SIMC1: variants seen among roughly 807,000 people sequenced by gnomAD.
SIMC1 encodes SUMO interacting motifs containing 1.
A neutral mutation model predicts 82.3 loss-of-function variants in SIMC1; 55 were observed. The observed-to-expected ratio is 0.67, with a 90% CI of 0.54 to 0.84. The LOEUF is 0.84. SIMC1 is among the 40% of genes least tolerant of loss of function. The pLI is 0.00. For missense variants in SIMC1, 915 were observed against 1,107.2 expected (o/e 0.83, Z 2.46); for synonymous variants, 353 against 426.3 (o/e 0.83, Z 2.12).
chr5:176,252,479 A>C (rs977576878), intron 1 of SIMC1, among the ~76,000 whole-genome samples: 2 of 149,858 alleles, frequency 1.3e-5, no homozygotes, highest in Non-Finnish European at 3.0e-5. Context: ...GGCTGGGCAG[A>C]GGCGCTCCTC....
chr5:176,293,055 AC>A (rs1763652069), intron 2 of SIMC1, among the ~76,000 whole-genome samples: 1 of 152,118 alleles, frequency 6.6e-6, no homozygotes, highest in Non-Finnish European at 1.5e-5. Context: ...ACAAATGCTT[AC>A]CCTCCAAATC....
rs1763749708 is a variant in SIMC1, at chr5:176,295,050, A to T, written c.1452A>T (p.Glu484Asp). 2 of 1,613,476 alleles carry T rather than the reference A, an allele frequency of 1.2e-6. No individual in the cohort carries two copies. Among genetic ancestry groups the T allele is most frequent in the Non-Finnish European group, 1.7e-6 (2 of 1,179,650 alleles). Residue 484 changes from glutamate (E) to aspartate (D), a missense_variant, in exon 3 of 10, where the codon GAA becomes GAT. Glu to Asp is a conservative substitution (Grantham distance 45). This residue lies in a region of SIMC1 where 902 missense variants were observed against 1,040.3 expected (regional missense o/e 0.87). Coordinates refer to ENST00000429602, the MANE Select transcript of SIMC1 (RefSeq NM_001308195.2). ...TACAGAACAAGGGTCAAAAATTAGA[A>T]CCCATCCCTCATCGAAGACTAAGAA... is the stretch of plus-strand genomic sequence containing the variant. ...DTRENKGQKL[E>D]PIPHRRLRMV...
chr5:176,316,739 A>T (rs1218728380), intron 5 of SIMC1, among the ~76,000 whole-genome samples: 1 of 151,730 alleles, frequency 6.6e-6, no homozygotes, highest in Non-Finnish European at 1.5e-5. Flanking sequence ...GAGGCCTGTA[A>T]TCCCAGCACT....
chr5:176,322,434 C>T lies in SIMC1; in HGVS notation c.2042+9C>T. 1 of 1,605,326 alleles carries T rather than the reference C, an allele frequency of 6.2e-7. No homozygotes were observed. Among genetic ancestry groups the T allele is most frequent in the Non-Finnish European group, 8.5e-7 (1 of 1,175,912 alleles). Reference sequence around the variant, plus strand: ...AAGAACACCAATCAGCTGTAAGGGGCAGGCAGTTCTCTTTCCTGGGGCTCT... The same window carrying T: ...AAGAACACCAATCAGCTGTAAGGGGTAGGCAGTTCTCTTTCCTGGGGCTCT... On this transcript the variant is annotated intron_variant, in intron 6 of 9. Transcript: ENST00000429602.
At chr5:176,242,931 G>A (rs1423177430) in intron 1 of SIMC1, among the ~76,000 whole-genome samples, 1 of 151,886 alleles carries the variant, frequency 6.6e-6, no homozygotes, top group African/African-American at 2.4e-5. Flanking sequence ...GAGTGTTAGG[G>A]GAAAAAATAC....
At chr5:176,299,794 A>C (rs1185729643) in intron 4 of SIMC1, among the ~76,000 whole-genome samples, 1 of 152,242 alleles carries the variant, frequency 6.6e-6, no homozygotes, top group Non-Finnish European at 1.5e-5. Flanking sequence ...AGACATACAC[A>C]GAACATTCCA....
At chr5:176,267,733 G>GTTTT (rs1159766316) in intron 1 of SIMC1, among the ~76,000 whole-genome samples, 17 of 27,236 alleles carry the variant, frequency 6.2e-4, no homozygotes, top group African/African-American at 3.1e-3. Context: ...TTTTCTTTCT[G>GTTTT]TTTTTTTTTT....
intron 4 of SIMC1, chr5:176,308,735 C>T (rs958096978): frequency 2.7e-5 from 38 of 1,433,032 alleles, no homozygotes; most frequent in Admixed American, 8.4e-5. Flanking sequence ...ATGTCACTAT[C>T]GGGAAAGCGT....
At chr5:176,333,007 AATGTGATATAAATGGC>A (rs1264753582) in intron 7 of SIMC1, among the ~76,000 whole-genome samples, 4 of 152,164 alleles carry the variant, frequency 2.6e-5, no homozygotes, top group African/African-American at 9.7e-5. Context: ...TCATTTCAAG[AATGTGATATAAATGGC>A]CTAGGCACAA....
intron 1 of SIMC1, among the ~76,000 whole-genome samples, chr5:176,276,459 T>A (rs1326380836): frequency 3.3e-5 from 5 of 149,704 alleles, no homozygotes; most frequent in East Asian, 2.0e-4. Context: ...CTTTTTTTTT[T>A]ATTATACTTT....
At chr5:176,263,960 C>T (rs1053781719) in intron 1 of SIMC1, among the ~76,000 whole-genome samples, 1 of 152,130 alleles carries the variant, frequency 6.6e-6, no homozygotes, top group South Asian at 2.1e-4. Context: ...AAAAAATGGC[C>T]AAAAGAAAGC....
At chr5:176,280,942 G>A (rs548164430) in intron 1 of SIMC1, among the ~76,000 whole-genome samples, 37 of 152,204 alleles carry the variant, frequency 2.4e-4, no homozygotes, top group African/African-American at 7.9e-4. Flanking sequence ...TATCTTTGTG[G>A]CGTTCTCTGT....
intron 1 of SIMC1, among the ~76,000 whole-genome samples, chr5:176,254,691 A>G (rs1201507542): frequency 1.3e-5 from 2 of 151,074 alleles, no homozygotes; most frequent in African/African-American, 2.4e-5. Context: ...GCCAGGCATT[A>G]TATGCACATT....
chr5:176,297,609 C>A (rs1320878219), intron 4 of SIMC1, among the ~76,000 whole-genome samples: 1 of 151,704 alleles, frequency 6.6e-6, no homozygotes, highest in Admixed American at 6.6e-5. Flanking sequence ...ACATTCTGAC[C>A]TTTAAGGATC....
At chr5:176,308,644 C>T in intron 4 of SIMC1, 1 of 1,578,736 alleles carries the variant, frequency 6.3e-7, no homozygotes, top group Admixed American at 1.7e-5. Flanking sequence ...TTCTGGAGCT[C>T]CAGCCAGCAC....
intron 4 of SIMC1, chr5:176,309,130 T>G (rs1320293355): frequency 1.6e-6 from 1 of 630,332 alleles, no homozygotes; most frequent in Non-Finnish European, 2.8e-6. Flanking sequence ...AGACTTACTA[T>G]AAAGCTGTAG....
intron 3 of SIMC1, among the ~76,000 whole-genome samples, chr5:176,295,725 G>A (rs1348583183): frequency 2.6e-5 from 4 of 151,740 alleles, no homozygotes; most frequent in Non-Finnish European, 4.4e-5. Context: ...GCTGCATGTG[G>A]TAGCCTCTCA....
At chr5:176,282,447 G>T (rs188993296) in intron 1 of SIMC1, among the ~76,000 whole-genome samples, 1 of 152,160 alleles carries the variant, frequency 6.6e-6, no homozygotes, top group Non-Finnish European at 1.5e-5. Context: ...ACTGACCTGC[G>T]CCCACTGTCT....
intron 4 of SIMC1, among the ~76,000 whole-genome samples, chr5:176,305,737 C>A (rs1438688157): frequency 1.3e-5 from 1 of 75,734 alleles, no homozygotes; most frequent in Non-Finnish European, 2.8e-5. Flanking sequence ...CGGCCAGCCG[C>A]CCCGTCCGGG....
Sources: gnomAD v4.1 joint callset for allele counts (sites outside exome capture counted in the v4.1 genomes callset) on GRCh38, gnomAD v4.1.1 for gene constraint, gnomAD v4.1.1 regional missense constraint, MANE v1.5 for transcripts, NCBI Gene and HGNC (gene_info 2026-07-23, HGNC 2026-07-21) for gene names.